KAZN: variants seen among roughly 807,000 people sequenced by gnomAD.
KAZN encodes the protein kazrin, periplakin interacting protein, also known as kazrin.
Under a neutral mutation model 87.4 loss-of-function variants are expected in KAZN, and 40 were observed. That is an observed-to-expected ratio of 0.46 (90% CI 0.36 to 0.60). KAZN has a LOEUF of 0.60. Ranked by LOEUF, KAZN falls within the 20% of genes least tolerant of loss-of-function variation. The probability of loss-of-function intolerance (pLI) is 0.00; values close to 1 mark genes in which losing one functional copy is unlikely to be tolerated. For missense variants in KAZN, 898 were observed against 1,073.9 expected, an observed-to-expected ratio of 0.84 and a Z score of 2.29; for synonymous variants, 466 against 458.3, an observed-to-expected ratio of 1.02 and a Z score of -0.22.
intron 1 of KAZN, among the ~76,000 whole-genome samples, chr1:14,846,816 A>G (rs751949572): frequency 1.3e-5 from 2 of 152,096 alleles, no homozygotes; most frequent in Admixed American, 1.3e-4. Context: ...TTTATTAACT[A>G]TAGTCTTCTT....
At chr1:14,263,621 G>A (rs56336875) in intron 2 of KAZN, among the ~76,000 whole-genome samples, 30,727 of 152,128 alleles carry the variant, frequency 0.2, 3,693 homozygotes, top group Middle Eastern at 0.39. Flanking sequence ...GCTGCTAAAG[G>A]GAAAAAGTGT....
intron 1 of KAZN, among the ~76,000 whole-genome samples, chr1:14,832,421 T>A (rs1028129137): frequency 6.6e-6 from 1 of 152,170 alleles, no homozygotes; most frequent in African/African-American, 2.4e-5. Context: ...AGGATGACTC[T>A]TTCCCAGACT....
chr1:14,609,613 T>A (rs879678992), intron 1 of KAZN, among the ~76,000 whole-genome samples: 3 of 152,232 alleles, frequency 2.0e-5, no homozygotes, highest in Non-Finnish European at 2.9e-5. Context: ...AGCACCCTTT[T>A]TTCAGGATTC....
intron 2 of KAZN, among the ~76,000 whole-genome samples, chr1:14,316,112 C>T (rs930608259): frequency 6.6e-6 from 1 of 151,912 alleles, no homozygotes; most frequent in African/African-American, 2.4e-5. Flanking sequence ...ATTGGCATCC[C>T]TTTGTGGTTT....
chr1:14,208,542 G>A (rs1042302929), intron 2 of KAZN, among the ~76,000 whole-genome samples: 1 of 152,202 alleles, frequency 6.6e-6, no homozygotes, highest in African/African-American at 2.4e-5. Context: ...TGACAGTTGG[G>A]TGGGAGAGAT....
intron 2 of KAZN, among the ~76,000 whole-genome samples, chr1:14,253,432 A>T (rs1022000324): frequency 2.0e-5 from 3 of 152,208 alleles, no homozygotes; most frequent in African/African-American, 7.2e-5. Context: ...TTTCTTCTTA[A>T]GTCATTTTAT....
chr1:15,023,130 G>A (rs1670853581), intron 2 of KAZN, among the ~76,000 whole-genome samples: 1 of 152,294 alleles, frequency 6.6e-6, no homozygotes, highest in Non-Finnish European at 1.5e-5. Context: ...CTGTAGGGCC[G>A]GGTAGTGGAT....
chr1:15,015,945 G>A (rs947260205), intron 2 of KAZN, among the ~76,000 whole-genome samples: 4 of 152,232 alleles, frequency 2.6e-5, no homozygotes, highest in Middle Eastern at 6.8e-3. Context: ...ACTTAACCCC[G>A]TCCCTGCTCT....
Position 14,312,496 on chromosome 1 carries a change from A to G in KAZN, c.249+131904A>G, listed in dbSNP as rs1655371363. ...TTTTAGGCAGTTTGATGACTTCAGC[A>G]ATCTCTCTCACCTGGTAGGAGAAGC... On this transcript the variant is annotated intron_variant, in intron 2 of 16. Coordinates refer to the KAZN transcript ENST00000636203. Among the ~76,000 whole-genome samples, 2 of 152,192 alleles carry G rather than the reference A, an allele frequency of 1.3e-5. 1 individual carries two copies. The highest frequency in any genetic ancestry group is 2.9e-5 in the Non-Finnish European group (2 of 68,028).
At chr1:14,047,647 C>T (rs912807982) in intron 1 of KAZN, among the ~76,000 whole-genome samples, 1 of 152,104 alleles carries the variant, frequency 6.6e-6, no homozygotes, top group African/African-American at 2.4e-5. Context: ...GTGGGCGGAC[C>T]ACTTGAGGTC....
At chr1:14,370,506 C>T (rs1660391890) in intron 2 of KAZN, among the ~76,000 whole-genome samples, 1 of 152,148 alleles carries the variant, frequency 6.6e-6, no homozygotes, top group Non-Finnish European at 1.5e-5. Flanking sequence ...GGACAGCTAT[C>T]TTGTGCAGGG....
chr1:14,234,056 C>T (rs189134087), intron 2 of KAZN, among the ~76,000 whole-genome samples: 1 of 152,222 alleles, frequency 6.6e-6, no homozygotes, highest in Admixed American at 6.5e-5. Flanking sequence ...TGGGTATATA[C>T]AGAGAGGATT....
intron 1 of KAZN, among the ~76,000 whole-genome samples, chr1:14,863,924 T>C (rs1179106761): frequency 1.3e-5 from 2 of 152,174 alleles, no homozygotes; most frequent in Non-Finnish European, 2.9e-5. Flanking sequence ...AACTACAGCC[T>C]GAGTTGGGGG....
intron 2 of KAZN, among the ~76,000 whole-genome samples, chr1:14,543,291 C>A (rs1672928802): frequency 6.6e-6 from 1 of 152,186 alleles, no homozygotes; most frequent in African/African-American, 2.4e-5. Flanking sequence ...ACCACCCTTG[C>A]ATTAATAAGT....
intron 2 of KAZN, among the ~76,000 whole-genome samples, chr1:14,196,349 G>A (rs1332259032): frequency 3.9e-5 from 6 of 152,132 alleles, no homozygotes; most frequent in Non-Finnish European, 8.8e-5. Flanking sequence ...TAGGGCCTAA[G>A]GAATGGAAAC....
At chr1:14,132,379 C>T (rs1486190918) in intron 1 of KAZN, among the ~76,000 whole-genome samples, 4 of 152,142 alleles carry the variant, frequency 2.6e-5, no homozygotes, top group African/African-American at 9.7e-5. Flanking sequence ...GTCCTAGGAA[C>T]TGGGTGCCCT....
intron 1 of KAZN, among the ~76,000 whole-genome samples, chr1:14,060,210 A>G (rs1557441627): frequency 6.6e-6 from 1 of 152,028 alleles, no homozygotes; most frequent in Non-Finnish European, 1.5e-5. Context: ...AAAAATACAA[A>G]AAATTAGCTG....
intron 4 of KAZN, among the ~76,000 whole-genome samples, chr1:15,045,665 T>C (rs1169974497): frequency 6.6e-6 from 1 of 152,066 alleles, no homozygotes; most frequent in African/African-American, 2.4e-5. Flanking sequence ...AGGAAAGAGG[T>C]TTAATTGACT....
intron 1 of KAZN, among the ~76,000 whole-genome samples, chr1:14,789,883 A>T (rs1286957643): frequency 6.6e-6 from 1 of 151,466 alleles, no homozygotes; most frequent in African/African-American, 2.4e-5. Flanking sequence ...TGCTCCAGGC[A>T]CGGAGTAGAT....
Sources: allele counts gnomAD v4.1 joint callset (sites outside exome capture counted in the v4.1 genomes callset), GRCh38; gene constraint gnomAD v4.1.1; transcripts MANE v1.5; gene names NCBI Gene and HGNC (gene_info 2026-07-23, HGNC 2026-07-21).